The following ANKRD26 variants were observed in gnomAD, a reference collection of about 807,000 sequenced individuals.
ANKRD26 encodes the protein ankyrin repeat domain 26.
In ANKRD26, 141 loss-of-function variants were observed where a neutral mutation model predicts 208.7. The observed-to-expected ratio is 0.68, with a 90% CI of 0.59 to 0.78. ANKRD26 has a LOEUF of 0.78. Ranked by LOEUF, ANKRD26 falls within the 30% of genes least tolerant of loss-of-function variation. ANKRD26 has a pLI of 0.00. For synonymous variants in ANKRD26, 636 were observed against 660.4 expected, an observed-to-expected ratio of 0.96 and a Z score of 0.57; for missense variants, 1,889 against 1,938.7, an observed-to-expected ratio of 0.97 and a Z score of 0.48.
chr10:27,047,730 AATAATAATAATT>A (rs1342047531), intron 17 of ANKRD26, among the ~76,000 whole-genome samples: 7 of 109,304 alleles, frequency 6.4e-5, no homozygotes, highest in African/African-American at 1.1e-4. Context: ...TACTAATAAT[AATAATAATAATT>A]ATTATTATTA....
chr10:27,082,692 A>G (rs1443219231), intron 6 of ANKRD26, 111 bp downstream of exon 6: 2 of 1,426,542 alleles, frequency 1.4e-6, no homozygotes, highest in Non-Finnish European at 1.9e-6. Flanking sequence ...AGCTGTTGGG[A>G]CGACTATATG....
intron 15 of ANKRD26, among the ~76,000 whole-genome samples, 195 bp downstream of exon 15, chr10:27,060,150 C>T (rs558900534): frequency 1.3e-5 from 2 of 152,086 alleles, no homozygotes; most frequent in African/African-American, 4.8e-5. Flanking sequence ...TTGCAGTGAG[C>T]CGAGATCACG....
At chr10:27,029,026 G>T in intron 26 of ANKRD26, 81 bp from the exon 27 acceptor site, 1 of 1,167,022 alleles carries the variant, frequency 8.6e-7, no homozygotes, top group Non-Finnish European at 1.2e-6. Context: ...ACACCTGAAG[G>T]CATAATTACA....
chr10:27,037,810 A>C, intron 22 of ANKRD26, 61 bp downstream of exon 22: 3 of 1,289,764 alleles, frequency 2.3e-6, no homozygotes, highest in Non-Finnish European at 3.3e-6. Context: ...AATCAAAAGG[A>C]TGTGATAATA....
Position 27,066,477 on chromosome 10 carries a change from T to C in ANKRD26, c.1269+10A>G, listed in dbSNP as rs768821093. 4.5e-6 allele frequency: 7 copies of C among 1,571,752 alleles called. No homozygotes were observed. Among genetic ancestry groups the C allele is most frequent in the South Asian group, 2.3e-5 (2 of 88,694 alleles). ...TATTTTAAAATAATAGTAACAACCA[T>C]AGAAAGTACCTCAGAATCCCAAGGT... On this transcript the variant is annotated intron_variant, in intron 11 of 33. Coordinates refer to ENST00000376087, the MANE Select transcript of ANKRD26 (RefSeq NM_014915.3).
intron 9 of ANKRD26, among the ~76,000 whole-genome samples, chr10:27,074,318 GAGAA>G (rs1252101547): frequency 6.6e-6 from 1 of 152,146 alleles, no homozygotes; most frequent in Non-Finnish European, 1.5e-5. Context: ...ATTTTCTAAA[GAGAA>G]AGATATTTTA....
downstream of ANKRD26, among the ~76,000 whole-genome samples, chr10:26,971,841 A>G (rs2052147397): frequency 6.6e-6 from 1 of 152,106 alleles, no homozygotes; most frequent in African/African-American, 2.4e-5. Flanking sequence ...GCATCATACC[A>G]TCCTTCAATA....
chr10:27,048,194 G>C (rs1222940390), intron 17 of ANKRD26, among the ~76,000 whole-genome samples: 2 of 152,156 alleles, frequency 1.3e-5, no homozygotes, highest in Non-Finnish European at 2.9e-5. Context: ...ATGTACTACA[G>C]ATCTCTCTGT....
rs1564353761 is a variant in ANKRD26 at position 27,012,907 on chromosome 10, T to C, written c.4928A>G (p.Asn1643Ser). The C allele has an allele frequency of 1.9e-6, 3 of 1,613,948 alleles. No homozygotes were observed. The highest frequency in any genetic ancestry group is 2.5e-6 in the Non-Finnish European group (3 of 1,179,830). The change falls in exon 32 of 34, where the codon AAT becomes AGT. Residue 1643 changes from asparagine (N) to serine (S), a missense_variant. Physicochemically the swap from Asn to Ser is conservative, Grantham distance 46. Transcript: ENST00000376087. ...CTTGCTCAAGTAGTTCTCCATGCTA[T>C]TATTTGAAGCCCGTGGATTTGAGGT... ...ISTSNPRASNNSMENYLSKMQ... is the reference protein window; with the variant it reads ...ISTSNPRASNSSMENYLSKMQ...
rs772747868 is a variant in ANKRD26, at chr10:27,053,399, A to T, written c.1565-9T>A. 1 of 1,603,778 alleles carries T rather than the reference A, an allele frequency of 6.2e-7. No homozygotes were observed. The highest frequency in any genetic ancestry group is 2.2e-5 in the East Asian group (1 of 44,644). On this transcript the variant is annotated splice_polypyrimidine_tract_variant and intron_variant, in intron 15 of 33. Transcript: ENST00000376087. The stretch of plus-strand genomic sequence containing the variant: ...TTCTAAGTCATGTTCAGCTGAAAAA[A>T]TCCAAATATTTAGTTTAATGAACTA...
chr10:26,982,630 A>T (rs1039249920), intron 4 of ANKRD26, among the ~76,000 whole-genome samples: 1 of 152,022 alleles, frequency 6.6e-6, no homozygotes, highest in African/African-American at 2.4e-5. Context: ...AAAGAAGAAA[A>T]AAAGAAAAAC....
At chr10:27,046,585 C>A (rs931300579) in intron 17 of ANKRD26, 62 bp from the exon 18 acceptor site, 1 of 1,497,384 alleles carries the variant, frequency 6.7e-7, no homozygotes, top group Non-Finnish European at 9.2e-7. Flanking sequence ...AAACAACATG[C>A]AGAAAGAGAG....
At chr10:27,084,823 C>T (rs974987515) in intron 5 of ANKRD26, among the ~76,000 whole-genome samples, 3 of 149,040 alleles carry the variant, frequency 2.0e-5, no homozygotes, top group South Asian at 2.1e-4. Flanking sequence ...GAGCCGAGAT[C>T]GCACCATTAT....
At chr10:26,975,213 G>C (rs990385234) in exon 6 of ANKRD26, among the ~76,000 whole-genome samples, 1 of 151,944 alleles carries the variant, frequency 6.6e-6, no homozygotes, top group Non-Finnish European at 1.5e-5. Flanking sequence ...TTGAATTTAT[G>C]TCTACACACA....
At chr10:26,972,245 A>AG (rs1180291650), downstream of ANKRD26, among the ~76,000 whole-genome samples, 1 of 151,784 alleles carries the variant, frequency 6.6e-6, no homozygotes, top group Non-Finnish European at 1.5e-5. Context: ...AAAAAAAAAA[A>AG]AAAAAAGAAA....
chr10:27,094,301 C>T (rs2056396910), intron 1 of ANKRD26, among the ~76,000 whole-genome samples: 1 of 152,150 alleles, frequency 6.6e-6, no homozygotes, highest in African/African-American at 2.4e-5. Context: ...TGTTAATCCT[C>T]CGCCTTCAAA....
chr10:27,056,504 G>T (rs776277155), intron 15 of ANKRD26, among the ~76,000 whole-genome samples: 52 of 151,680 alleles, frequency 3.4e-4, no homozygotes, highest in African/African-American at 9.9e-4. Flanking sequence ...ACTAGGCTGG[G>T]CAAGGTTACA....
chr10:27,002,637 A>G (rs575562657), downstream of ANKRD26, among the ~76,000 whole-genome samples: 3 of 152,342 alleles, frequency 2.0e-5, no homozygotes, highest in African/African-American at 7.2e-5. Flanking sequence ...TTAAGAAAGG[A>G]ATGAATGAAT....
chr10:26,989,962 A>C (rs781461304), downstream of ANKRD26, among the ~76,000 whole-genome samples: 2 of 152,126 alleles, frequency 1.3e-5, no homozygotes, highest in African/African-American at 4.8e-5. Context: ...AAGAGTGATC[A>C]AGTGCTAGAG....
Sources: gnomAD v4.1 joint callset for allele counts (sites outside exome capture counted in the v4.1 genomes callset) on GRCh38, gnomAD v4.1.1 for gene constraint, MANE v1.5 for transcripts, NCBI Gene and HGNC (gene_info 2026-07-23, HGNC 2026-07-21) for gene names.